The following SMIM36 variants were observed in gnomAD, a reference collection of about 807,000 sequenced individuals.
The protein encoded by SMIM36 is small integral membrane protein 36.
chr17:55,456,116 CAAAAAAA>C (rs10546288), intron 4 of SMIM36, among the ~76,000 whole-genome samples: 47 of 39,536 alleles, frequency 1.2e-3, no homozygotes, highest in African/African-American at 3.8e-3. Flanking sequence ...AAAACTGTCT[CAAAAAAA>C]AAAAAAAAAA....
chr17:55,478,010 C>A (rs918280229), intron 3 of SMIM36, among the ~76,000 whole-genome samples: 7 of 151,932 alleles, frequency 4.6e-5, no homozygotes, highest in Non-Finnish European at 7.4e-5. Context: ...GCATGGGCAA[C>A]ATGGTGAGAT....
the SMIM36 span, among the ~76,000 whole-genome samples, chr17:55,521,113 G>A: frequency 1.3e-5 from 2 of 152,062 alleles, no homozygotes; most frequent in Admixed American, 6.5e-5. Context: ...GAGTCTTGTG[G>A]CAGAGCAAGA....
intron 1 of SMIM36, among the ~76,000 whole-genome samples, chr17:55,486,463 A>G (rs984887698): frequency 6.6e-6 from 1 of 152,152 alleles, no homozygotes; most frequent in African/African-American, 2.4e-5. Flanking sequence ...TCATGACCCC[A>G]AATGTCTAGT....
At chr17:55,453,177 C>T (rs1035191177) in intron 4 of SMIM36, among the ~76,000 whole-genome samples, 10 of 152,084 alleles carry the variant, frequency 6.6e-5, no homozygotes, top group Admixed American at 6.5e-4. Context: ...TTAGCCAGGC[C>T]TGGTGGTAAA....
chr17:55,501,492 A>G (rs1431860785), intron 1 of SMIM36, among the ~76,000 whole-genome samples: 3 of 102,782 alleles, frequency 2.9e-5, no homozygotes, highest in Admixed American at 1.6e-4. Context: ...TATATATAAT[A>G]TAATATAATA....
intron 1 of SMIM36, among the ~76,000 whole-genome samples, chr17:55,500,035 CT>C (rs1909880052): frequency 6.6e-6 from 1 of 151,628 alleles, no homozygotes; most frequent in African/African-American, 2.4e-5. Context: ...TTTTGTTCTC[CT>C]CTTTTTTTTC....
intron 1 of SMIM36, among the ~76,000 whole-genome samples, chr17:55,487,579 C>T (rs879597035): frequency 6.6e-5 from 10 of 152,088 alleles, no homozygotes; most frequent in East Asian, 3.9e-4. Flanking sequence ...AACACCAGAA[C>T]GGAGTGAGAT....
the SMIM36 span, among the ~76,000 whole-genome samples, chr17:55,529,723 C>T: frequency 3.1e-3 from 464 of 151,998 alleles, no homozygotes; most frequent in African/African-American, 0.011. Context: ...GCCCAGAGGT[C>T]GAGGCTGTGG....
At chr17:55,470,627 G>T (rs1452330378) in intron 3 of SMIM36, among the ~76,000 whole-genome samples, 2 of 152,040 alleles carry the variant, frequency 1.3e-5, no homozygotes, top group Non-Finnish European at 2.9e-5. Context: ...TAAATTATCT[G>T]CTTCCCTGAC....
intron 4 of SMIM36, among the ~76,000 whole-genome samples, chr17:55,457,451 CAAAAAAAAA>C (rs1179896909): frequency 1.6e-5 from 1 of 61,660 alleles, no homozygotes; most frequent in Admixed American, 1.9e-4. Flanking sequence ...AACTCCGTCT[CAAAAAAAAA>C]AAAAAAAAAA....
At chr17:55,458,578 C>A (rs1909074409) in intron 4 of SMIM36, 1 of 137,636 alleles carries the variant, frequency 7.3e-6, no homozygotes, top group African/African-American at 2.6e-5. Context: ...CCACCCCCCG[C>A]CCCGTACCAC....
chr17:55,527,490 T>G, the SMIM36 span, among the ~76,000 whole-genome samples: 1 of 151,646 alleles, frequency 6.6e-6, no homozygotes, highest in African/African-American at 2.4e-5. Context: ...TGGGATCCAG[T>G]TTTTCTCAGT....
At chr17:55,458,361 G>A (rs1909068242) in intron 4 of SMIM36, 8 of 152,190 alleles carry the variant, frequency 5.3e-5, no homozygotes, top group Admixed American at 5.2e-4. Context: ...TAATATGGGA[G>A]TGCTGGGAAG....
intron 3 of SMIM36, among the ~76,000 whole-genome samples, chr17:55,475,802 T>G (rs1030660472): frequency 2.6e-5 from 4 of 152,152 alleles, no homozygotes; most frequent in African/African-American, 9.7e-5. Flanking sequence ...CTGTTTAGTT[T>G]CTCAATTCAT....
chr17:55,466,639 T>C (rs1426530584), intron 4 of SMIM36, among the ~76,000 whole-genome samples: 1 of 152,204 alleles, frequency 6.6e-6, no homozygotes, highest in Non-Finnish European at 1.5e-5. Flanking sequence ...CATCGCACCC[T>C]GAGTGGTGAT....
intron 3 of SMIM36, among the ~76,000 whole-genome samples, chr17:55,471,004 T>C (rs12945006): frequency 0.51 from 77,134 of 151,822 alleles, 19,978 homozygotes; most frequent in African/African-American, 0.58. Context: ...AAATCGTCCT[T>C]CCCATCCATC....
At chr17:55,498,370 T>TGA (rs1334631043) in intron 1 of SMIM36, among the ~76,000 whole-genome samples, 1 of 152,190 alleles carries the variant, frequency 6.6e-6, no homozygotes, top group African/African-American at 2.4e-5. Context: ...CTACAGCACG[T>TGA]GACAGCTGTC....
At chr17:55,471,341 C>A (rs1909338890) in intron 3 of SMIM36, among the ~76,000 whole-genome samples, 1 of 152,142 alleles carries the variant, frequency 6.6e-6, no homozygotes, top group African/African-American at 2.4e-5. Context: ...ATCTTCCCAG[C>A]AGGACACTGT....
At chr17:55,481,167 G>A (rs1299813761) in intron 1 of SMIM36, among the ~76,000 whole-genome samples, 1 of 151,448 alleles carries the variant, frequency 6.6e-6, no homozygotes, top group African/African-American at 2.4e-5. Context: ...AGACCAGATG[G>A]CACTAAGACT....
Sources: allele counts gnomAD v4.1 joint callset (sites outside exome capture counted in the v4.1 genomes callset), GRCh38; gene constraint gnomAD v4.1.1; transcripts MANE v1.5; gene names NCBI Gene and HGNC (gene_info 2026-07-23, HGNC 2026-07-21).